Variants in CST8 observed in about 807,000 individuals in gnomAD.
CST8 encodes cystatin 8, also known as cystatin-8.
In CST8, 20 loss-of-function variants were observed where a neutral mutation model predicts 11.8. The ratio of observed to expected loss-of-function variants is 1.70; its 90% confidence interval spans 1.20 to 2.47. CST8 has a LOEUF of 2.47. Among genes scored for constraint, CST8 ranks in the 30% most tolerant of loss-of-function variants. CST8 has a pLI of 0.00. For missense variants in CST8, 196 were observed against 167.2 expected (o/e 1.17, Z -0.95); for synonymous variants, 77 against 63.1 (o/e 1.22, Z -1.05).
Position 23,491,203 on chromosome 20 carries a change from G to A in CST8, c.-283G>A, listed in dbSNP as rs555956022. The A allele has an allele frequency of 3.5e-3, 587 of 168,318 alleles. 3 individuals are homozygous for A. The highest frequency in any genetic ancestry group is 0.014 in the African/African-American group (570 of 41,812). 10.4% of individuals were successfully genotyped at this position (168,318 alleles called of 1,614,324 possible). A position where few individuals can be genotyped will look rare whatever the true frequency, so the allele number is the denominator to read the frequency against. ...GGTCAGGTCAGCTCCCAGCTCCACAGGGAGTAAGAAGGAGCTGCAGGCACA... is the reference window on the plus strand; with the variant it reads ...GGTCAGGTCAGCTCCCAGCTCCACAAGGAGTAAGAAGGAGCTGCAGGCACA... On this transcript the variant is annotated 5_prime_UTR_variant, in exon 1 of 4. Coordinates refer to ENST00000246012, the MANE Select transcript of CST8 (RefSeq NM_005492.4).
chr20:23,495,760 A>G, intron 3 of CST8, 71 bp from the exon 4 acceptor site: 1 of 1,162,020 alleles, frequency 8.6e-7, no homozygotes, highest in Non-Finnish European at 1.2e-6. Flanking sequence ...GCAACAGGAC[A>G]ATTGTTTTTC....
At chr20:23,506,242 C>T in the CST8 span, among the ~76,000 whole-genome samples, 5 of 152,130 alleles carry the variant, frequency 3.3e-5, no homozygotes, top group South Asian at 4.1e-4. Context: ...GGAAACAAGA[C>T]GGACACACCG....
Position 23,491,918 on chromosome 20 carries a change from T to C in CST8, c.231+20T>C. 1 of 1,586,622 alleles carries C rather than the reference T, an allele frequency of 6.3e-7. No homozygotes were observed. The highest frequency in any genetic ancestry group is 8.7e-7 in the Non-Finnish European group (1 of 1,155,122). ...CTTCAGGTAAAGGTGTCTTTCCATA[T>C]AGGTGGACATTTGCATATGGTGGCA... On this transcript the variant is annotated intron_variant, in intron 2 of 3. Transcript: ENST00000246012.
chr20:23,504,851 C>T, the CST8 span, among the ~76,000 whole-genome samples: 261 of 152,134 alleles, frequency 1.7e-3, 1 homozygote, highest in African/African-American at 5.9e-3. Context: ...TACTAGTTTC[C>T]CCAAAGCTGG....
chr20:23,504,297 A>G, the CST8 span, among the ~76,000 whole-genome samples: 1 of 152,090 alleles, frequency 6.6e-6, no homozygotes, highest in African/African-American at 2.4e-5. Context: ...TGTAGAGCCA[A>G]TCACCACCCA....
rs139510198 is a variant in CST8, at chr20:23,491,712, C to T, written c.45C>T (p.Pro15=). The T allele has an allele frequency of 5.0e-6, 8 of 1,614,048 alleles. No homozygotes were observed. In the African/African-American group the frequency reaches 6.7e-5, roughly 13 times the overall value. The change falls in exon 2 of 4, where the codon CCC becomes CCT. Residue 15 remains proline (P), a synonymous_variant. Coordinates refer to ENST00000246012, the MANE Select transcript of CST8 (RefSeq NM_005492.4). ...RWLSLILLTI[P]LALVARKDPK... ...TCTCCCTGATCCTCCTCACCATTCC[C>T]CTGGCCCTGGTGGCCAGGAAAGACC...
At chr20:23,497,228 G>T (rs1266123287), downstream of CST8, among the ~76,000 whole-genome samples, 2 of 152,232 alleles carry the variant, frequency 1.3e-5, no homozygotes, top group African/African-American at 2.4e-5. Flanking sequence ...ACTAATAAAA[G>T]TCCATGAAAT....
At chr20:23,506,545 T>C in the CST8 span, among the ~76,000 whole-genome samples, 11 of 152,218 alleles carry the variant, frequency 7.2e-5, no homozygotes, top group Non-Finnish European at 1.0e-4. Flanking sequence ...TGTCTATGCA[T>C]ATTCTTCAGA....
chr20:23,493,401 C>T (rs557057047), intron 3 of CST8, among the ~76,000 whole-genome samples: 183 of 152,324 alleles, frequency 1.2e-3, no homozygotes, highest in Non-Finnish European at 2.2e-3. Flanking sequence ...AGACAAGCCA[C>T]CCACTATTGC....
At chr20:23,505,834 C>T in the CST8 span, among the ~76,000 whole-genome samples, 13 of 152,128 alleles carry the variant, frequency 8.5e-5, no homozygotes, top group Admixed American at 7.9e-4. Context: ...TAATGAGATC[C>T]CAGGTGGTTT....
chr20:23,496,454 C>A (rs1056976985), downstream of CST8, among the ~76,000 whole-genome samples: 9 of 151,988 alleles, frequency 5.9e-5, no homozygotes, highest in East Asian at 1.9e-4. Flanking sequence ...GGGTGGGGGT[C>A]ACAGAGATCA....
chr20:23,504,211 T>C, the CST8 span, among the ~76,000 whole-genome samples: 4 of 152,216 alleles, frequency 2.6e-5, no homozygotes, highest in African/African-American at 9.7e-5. Flanking sequence ...ATGTGAACTC[T>C]AGACTAATGG....
chr20:23,492,506 A>C (rs1390543209), intron 2 of CST8, among the ~76,000 whole-genome samples: 6 of 152,118 alleles, frequency 3.9e-5, no homozygotes, highest in East Asian at 3.9e-4. Context: ...AGAGGATGGG[A>C]GGTTTCACAG....
At chr20:23,505,470 CTAAATGGACAAAGA>C in the CST8 span, among the ~76,000 whole-genome samples, 3 of 151,808 alleles carry the variant, frequency 2.0e-5, no homozygotes, top group Admixed American at 2.0e-4. Flanking sequence ...ACTGAGTCTT[CTAAATGGACAAAGA>C]TATATGGAAC....
the CST8 span, among the ~76,000 whole-genome samples, chr20:23,504,865 G>T: frequency 6.6e-6 from 1 of 152,106 alleles, no homozygotes; most frequent in African/African-American, 2.4e-5. Flanking sequence ...AAGCTGGGGA[G>T]GTCAGGAGTT....
At chr20:23,503,634 T>A in the CST8 span, among the ~76,000 whole-genome samples, 1 of 152,102 alleles carries the variant, frequency 6.6e-6, no homozygotes, top group Admixed American at 6.5e-5. Flanking sequence ...TACAAAAACA[T>A]TAAAGCTACA....
the CST8 span, among the ~76,000 whole-genome samples, chr20:23,505,433 C>T: frequency 8.6e-5 from 13 of 152,010 alleles, no homozygotes; most frequent in African/African-American, 1.9e-4. Flanking sequence ...CGTGAGCCAC[C>T]GCGCCCAGCC....
At chr20:23,492,010 G>A in intron 2 of CST8, 112 bp downstream of exon 2, 3 of 792,216 alleles carry the variant, frequency 3.8e-6, no homozygotes, top group African/African-American at 1.7e-5. Context: ...TCCTAAATAT[G>A]TGAATGCTTA....
the CST8 span, among the ~76,000 whole-genome samples, chr20:23,503,161 G>A: frequency 2.6e-5 from 4 of 152,122 alleles, no homozygotes; most frequent in Non-Finnish European, 5.9e-5. Context: ...GAAACATCAG[G>A]TAGCATGCAC....
Sources: allele counts gnomAD v4.1 joint callset (sites outside exome capture counted in the v4.1 genomes callset), GRCh38; gene constraint gnomAD v4.1.1; transcripts MANE v1.5; gene names NCBI Gene and HGNC (gene_info 2026-07-23, HGNC 2026-07-21).